The following ST3GAL1 variants were observed in gnomAD, a reference collection of about 807,000 sequenced individuals.
The protein encoded by ST3GAL1 is ST3 beta-galactoside alpha-2,3-sialyltransferase 1, also known as CMP-N-acetylneuraminate-beta-galactosamide-alpha-2,3-sialyltransferase 1.
In ST3GAL1, 16 loss-of-function variants were observed where a neutral mutation model predicts 34.1. That is an observed-to-expected ratio of 0.47 (90% CI 0.32 to 0.71). The LOEUF (loss-of-function observed/expected upper bound fraction) is 0.71. Ranked by LOEUF, ST3GAL1 falls within the 30% of genes least tolerant of loss-of-function variation. The pLI, the probability that ST3GAL1 is intolerant of heterozygous loss-of-function variation, is 0.04. For synonymous variants in ST3GAL1, 191 were observed against 184.7 expected (o/e 1.03, Z -0.28); for missense variants, 353 against 447.4 (o/e 0.79, Z 1.90).
At chr8:133,557,383 G>T (rs1819073973) in intron 1 of ST3GAL1, among the ~76,000 whole-genome samples, 1 of 152,272 alleles carries the variant, frequency 6.6e-6, no homozygotes. Context: ...GTGCAGGAGG[G>T]CACAGAAGGC....
At position 133,486,041 on chromosome 8, in the gene ST3GAL1, C is replaced by A. The variant is rs545136052; in HGVS notation, c.-373-9441G>T. Among the ~76,000 whole-genome samples, 34 of 152,322 alleles carry A rather than the reference C, an allele frequency of 2.2e-4. 1 individual carries two copies. The highest frequency in any genetic ancestry group is 5.0e-4 in the Non-Finnish European group (34 of 68,026). ...ACAATACCGGTGCACATTGGCTGGG[C>A]CCACAACAAGCTCCCGATGAAGGTA... is the stretch of plus-strand genomic sequence containing the variant. On this transcript the variant is annotated intron_variant, in intron 3 of 9. Transcript: ENST00000522652.
intron 5 of ST3GAL1, among the ~76,000 whole-genome samples, chr8:133,473,272 T>C (rs1473305568): frequency 6.6e-6 from 1 of 152,152 alleles, no homozygotes; most frequent in Non-Finnish European, 1.5e-5. Context: ...TAATAACAGT[T>C]TTTAATACGG....
intron 2 of ST3GAL1, among the ~76,000 whole-genome samples, chr8:133,540,645 C>T (rs553866905): frequency 6.6e-6 from 1 of 150,906 alleles, no homozygotes; most frequent in East Asian, 2.0e-4. Context: ...TCCTTGACCA[C>T]CACACCCATG....
At chr8:133,563,428 C>A (rs928406664) in intron 1 of ST3GAL1, among the ~76,000 whole-genome samples, 1 of 152,106 alleles carries the variant, frequency 6.6e-6, no homozygotes, top group African/African-American at 2.4e-5. Context: ...TATAGAAGGC[C>A]ATTGTTTTGG....
At chr8:133,521,323 G>A (rs1817802343) in intron 2 of ST3GAL1, among the ~76,000 whole-genome samples, 1 of 143,458 alleles carries the variant, frequency 7.0e-6, no homozygotes, top group Non-Finnish European at 1.5e-5. Context: ...TTTTGAGACG[G>A]AATCTTGCTC....
chr8:133,559,795 G>C (rs1382134945), intron 1 of ST3GAL1, among the ~76,000 whole-genome samples: 1 of 152,212 alleles, frequency 6.6e-6, no homozygotes, highest in Non-Finnish European at 1.5e-5. Context: ...CTAGGGAGCT[G>C]GCTAAGTTTA....
intron 3 of ST3GAL1, among the ~76,000 whole-genome samples, chr8:133,496,096 T>C (rs903743859): frequency 8.5e-5 from 13 of 152,194 alleles, no homozygotes; most frequent in African/African-American, 2.9e-4. Context: ...GGAGGGAGGC[T>C]ACAGGGCTGG....
intron 1 of ST3GAL1, among the ~76,000 whole-genome samples, chr8:133,550,672 G>T (rs973998398): frequency 6.6e-6 from 1 of 152,100 alleles, no homozygotes; most frequent in Non-Finnish European, 1.5e-5. Flanking sequence ...CAAGAGACTC[G>T]GAAGCAAGAA....
chr8:133,538,705 G>T (rs1818378940), intron 2 of ST3GAL1, among the ~76,000 whole-genome samples: 1 of 152,138 alleles, frequency 6.6e-6, no homozygotes, highest in South Asian at 2.1e-4. Flanking sequence ...CACCATGCTG[G>T]TTAAAAACTC....
At position 133,461,899 on chromosome 8, in the gene ST3GAL1, G is replaced by A; in HGVS notation, c.825C>T (p.Ile275=). The A allele has an allele frequency of 1.9e-6, 3 of 1,614,198 alleles. No individual in the cohort carries two copies. The highest frequency in any genetic ancestry group is 2.5e-6 in the Non-Finnish European group (3 of 1,180,028). Reference sequence around the variant, plus strand: ...CCTCATCGCAGACATGCATTGAGAAGATGACCGAGAGGATGCCGGTAGATG... The same window carrying A: ...CCTCATCGCAGACATGCATTGAGAAAATGACCGAGAGGATGCCGGTAGATG... The part of the protein sequence containing the change: ...RYPSTGILSV[I]FSMHVCDEVD... The change falls in exon 9 of 10, where the codon ATC becomes ATT. Residue 275 remains isoleucine (I), a synonymous_variant. Coordinates refer to ENST00000522652, the MANE Select transcript of ST3GAL1 (RefSeq NM_173344.3). This position sits in a 1 kb window ranked among gnomAD's most constrained non-coding sequence, Gnocchi z 4.7.
At chr8:133,560,205 T>G (rs919529107) in intron 1 of ST3GAL1, among the ~76,000 whole-genome samples, 4 of 151,928 alleles carry the variant, frequency 2.6e-5, no homozygotes, top group African/African-American at 9.7e-5. Context: ...ATTGCATGTA[T>G]GAAAACTCAC....
At chr8:133,512,645 G>A (rs1019387988) in intron 2 of ST3GAL1, among the ~76,000 whole-genome samples, 22 of 152,166 alleles carry the variant, frequency 1.4e-4, no homozygotes, top group Non-Finnish European at 1.0e-4. Context: ...GTGAGTCTGA[G>A]TCCGCACAGG....
intron 1 of ST3GAL1, among the ~76,000 whole-genome samples, chr8:133,559,195 G>A (rs925372296): frequency 6.6e-6 from 1 of 152,164 alleles, no homozygotes; most frequent in African/African-American, 2.4e-5. Context: ...GTTTATATCA[G>A]TTACCCTATG....
At chr8:133,555,164 C>G (rs1818972788) in intron 1 of ST3GAL1, among the ~76,000 whole-genome samples, 1 of 152,190 alleles carries the variant, frequency 6.6e-6, no homozygotes, top group South Asian at 2.1e-4. Flanking sequence ...CAGAATTGAA[C>G]TGAGCTTCAC....
intron 1 of ST3GAL1, among the ~76,000 whole-genome samples, chr8:133,561,920 G>A (rs879688673): frequency 2.0e-5 from 3 of 151,956 alleles, no homozygotes; most frequent in Non-Finnish European, 4.4e-5. Context: ...GGTTGGTGAA[G>A]GTCTGGGCTT....
At chr8:133,530,694 A>C (rs1049359284) in intron 2 of ST3GAL1, among the ~76,000 whole-genome samples, 2 of 152,188 alleles carry the variant, frequency 1.3e-5, no homozygotes, top group African/African-American at 4.8e-5. Flanking sequence ...GGGAATGCAC[A>C]TGCCTTTGTA....
chr8:133,553,396 G>A (rs558115269), intron 1 of ST3GAL1, among the ~76,000 whole-genome samples: 50 of 152,304 alleles, frequency 3.3e-4, no homozygotes, highest in African/African-American at 1.1e-3. Context: ...TCTGTAATGT[G>A]GAAATGCTGA....
rs1819553210 is a variant in ST3GAL1 at position 133,571,080 on chromosome 8, G to A, written c.-582+613C>T. On this transcript the variant is annotated intron_variant, in intron 1 of 9. Coordinates refer to ENST00000522652, the MANE Select transcript of ST3GAL1 (RefSeq NM_173344.3). This position sits in a 1 kb window ranked among gnomAD's most constrained non-coding sequence, Gnocchi z 6.7. ...CAGATCCGGAGCAGCGCGCTCTGAC[G>A]GCGTCCCCGGGGCCGATAGCCACCT... 6.6e-6 allele frequency among the ~76,000 whole-genome samples: 1 copy of A among 152,186 alleles called. No homozygotes were observed. Among genetic ancestry groups the A allele is most frequent in the Admixed American group, 6.5e-5 (1 of 15,286 alleles).
intron 2 of ST3GAL1, among the ~76,000 whole-genome samples, chr8:133,500,452 C>G (rs1817112835): frequency 6.6e-6 from 1 of 152,196 alleles, no homozygotes; most frequent in Non-Finnish European, 1.5e-5. Flanking sequence ...AACACCTGCT[C>G]TTTGCGTCCT....
Sources: allele counts gnomAD v4.1 joint callset (sites outside exome capture counted in the v4.1 genomes callset), GRCh38; gene constraint gnomAD v4.1.1; non-coding constraint Gnocchi (gnomAD v3.1); transcripts MANE v1.5; gene names NCBI Gene and HGNC (gene_info 2026-07-23, HGNC 2026-07-21).